Variants in RAB23 observed in about 807,000 individuals in gnomAD.
RAB23 encodes the protein ras-related protein Rab-23.
A neutral mutation model predicts 30.0 loss-of-function variants in RAB23; 15 were observed. The ratio of observed to expected loss-of-function variants is 0.50; its 90% CI spans 0.33 to 0.77. The LOEUF (loss-of-function observed/expected upper bound fraction) is 0.77, where lower values mean the gene tolerates loss of function less well. Ranked by LOEUF, RAB23 falls within the 30% of genes least tolerant of loss-of-function variation. The probability of loss-of-function intolerance (pLI) is 0.02; values close to 1 mark genes in which losing one functional copy is unlikely to be tolerated. For missense variants in RAB23, 243 were observed against 275.4 expected (o/e 0.88, Z 0.83); for synonymous variants, 93 against 94.0 (o/e 0.99, Z 0.06).
chr6:57,205,247 T>C (rs946773114), intron 3 of RAB23, among the ~76,000 whole-genome samples: 9 of 151,892 alleles, frequency 5.9e-5, no homozygotes, highest in Non-Finnish European at 8.8e-5. Flanking sequence ...TATGTATGTG[T>C]GTGTGTATAT....
intron 1 of RAB23, among the ~76,000 whole-genome samples, chr6:57,214,282 T>C (rs1275324626): frequency 6.6e-6 from 1 of 152,174 alleles, no homozygotes; most frequent in Non-Finnish European, 1.5e-5. Context: ...AGAGTCATCA[T>C]GACCAGTAGT....
chr6:57,219,103 T>G (rs1287166853), intron 1 of RAB23, among the ~76,000 whole-genome samples: 4 of 152,026 alleles, frequency 2.6e-5, no homozygotes, highest in Non-Finnish European at 4.4e-5. Flanking sequence ...CACCAAAAAT[T>G]CAAAAACCAA....
intron 3 of RAB23, among the ~76,000 whole-genome samples, chr6:57,206,286 G>A (rs868258384): frequency 1.3e-5 from 2 of 152,042 alleles, no homozygotes; most frequent in African/African-American, 4.8e-5. Flanking sequence ...AAAAGTGGTA[G>A]GGTCAATGAA....
rs996649706 is a variant in RAB23 at position 57,193,779 on chromosome 6, CATATT to C, written c.574+58_574+62del. 3.2e-6 allele frequency: 5 copies of C among 1,569,200 alleles called. No homozygotes were observed. In the African/African-American group the frequency reaches 4.1e-5, roughly 13 times the overall value. The stretch of plus-strand genomic sequence containing the variant: ...AAATCACATTTCTGAAAGAAATGAG[CATATT>C]ATATGTGTTTTTTAACTTTACCAAG... On this transcript the variant is annotated intron_variant, in intron 6 of 6. Transcript: ENST00000468148.
At chr6:57,196,362 T>C in intron 4 of RAB23, 88 bp downstream of exon 4, 8 of 1,483,992 alleles carry the variant, frequency 5.4e-6, no homozygotes, top group Non-Finnish European at 7.5e-6. Context: ...ATAGAATTTT[T>C]CCTAGAACCT....
intron 1 of RAB23, among the ~76,000 whole-genome samples, chr6:57,218,373 T>C (rs1199470857): frequency 6.6e-6 from 1 of 152,228 alleles, no homozygotes; most frequent in East Asian, 1.9e-4. Context: ...GTGGACTTTA[T>C]TCTGGGAATG....
intron 3 of RAB23, among the ~76,000 whole-genome samples, chr6:57,207,129 C>A (rs573553382): frequency 1.9e-3 from 295 of 152,172 alleles, no homozygotes; most frequent in Non-Finnish European, 3.6e-3. Context: ...TTAATTTAGC[C>A]TTTTAAGAAA....
Position 57,190,319 on chromosome 6 carries a change from G to T in RAB23, c.*142C>A, listed in dbSNP as rs1764789704. On this transcript the variant is annotated 3_prime_UTR_variant, in exon 7 of 7. Transcript: ENST00000468148. ...CTCACTCTACATTCTGAAAAGCACT[G>T]CAGAGCAATATTTAAGTCTGTCACT... is the stretch of plus-strand genomic sequence containing the variant. The T allele has an allele frequency of 1.0e-6, 1 of 987,292 alleles. No individual in the cohort carries two copies. Among genetic ancestry groups the T allele is most frequent in the African/African-American group, 1.6e-5 (1 of 62,820 alleles). The allele number at this position is 987,292 out of a possible 1,614,324, so 61.2% of individuals were successfully genotyped here. A position where few individuals can be genotyped will look rare whatever the true frequency, so the allele number is the denominator to read the frequency against.
At position 57,188,504 on chromosome 6, in the gene RAB23, A is replaced by G. The variant is rs995791112; in HGVS notation, c.*1957T>C. On this transcript the variant is annotated 3_prime_UTR_variant, in exon 7 of 7. Coordinates refer to ENST00000468148, the MANE Select transcript of RAB23 (RefSeq NM_016277.5). ...AAAAGAACTAACTAGAACACATATA[A>G]CAAGTGATTTTTCTGCCAATAAAGA... is the stretch of plus-strand genomic sequence containing the variant. 1 of 152,186 alleles carries G rather than the reference A, an allele frequency of 6.6e-6. No homozygotes were observed. The highest frequency in any genetic ancestry group is 2.4e-5 in the African/African-American group (1 of 41,474). The allele number at this position is 152,186 out of a possible 1,614,324, so 9.4% of individuals were successfully genotyped here. A position where few individuals can be genotyped will look rare whatever the true frequency, so the allele number is the denominator to read the frequency against.
chr6:57,201,475 A>G (rs1305443571), intron 3 of RAB23, among the ~76,000 whole-genome samples: 2 of 152,186 alleles, frequency 1.3e-5, no homozygotes, highest in Non-Finnish European at 2.9e-5. Context: ...AATCTGAATG[A>G]ACCTCTGCTG....
At chr6:57,212,180 C>T (rs962923921) in intron 1 of RAB23, among the ~76,000 whole-genome samples, 5 of 152,168 alleles carry the variant, frequency 3.3e-5, no homozygotes, top group African/African-American at 1.2e-4. Context: ...GGATCCACTG[C>T]ACTGTCCACT....
rs1380069219 is a variant in RAB23, at chr6:57,207,722, A to G, written c.156-9T>C. 2.6e-6 allele frequency: 4 copies of G among 1,542,642 alleles called. No individual in the cohort carries two copies. The highest frequency in any genetic ancestry group is 3.6e-6 in the Non-Finnish European group (4 of 1,116,832). The stretch of plus-strand genomic sequence containing the variant: ...CATCTTCATCATTAACTCTAAAACA[A>G]GAGATGAATTTATTTCATATGTAAA... On this transcript the variant is annotated splice_polypyrimidine_tract_variant and intron_variant, in intron 2 of 6. Transcript: ENST00000468148.
intron 1 of RAB23, among the ~76,000 whole-genome samples, chr6:57,218,952 A>G (rs1342608464): frequency 6.6e-6 from 1 of 152,178 alleles, no homozygotes; most frequent in Admixed American, 6.5e-5. Context: ...AAGGATATAT[A>G]TTCTCACTAC....
chr6:57,202,124 TCAG>T (rs1008866498), intron 3 of RAB23, among the ~76,000 whole-genome samples: 8 of 152,232 alleles, frequency 5.3e-5, no homozygotes, highest in Non-Finnish European at 1.0e-4. Context: ...AGGATTTAAA[TCAG>T]CAAGTCATAA....
At chr6:57,197,660 A>C (rs778303279) in intron 3 of RAB23, among the ~76,000 whole-genome samples, 6 of 152,238 alleles carry the variant, frequency 3.9e-5, no homozygotes, top group African/African-American at 4.8e-5. Context: ...AAGACCACAG[A>C]AAGAAAACAG....
At chr6:57,208,510 G>A (rs1036858235) in intron 2 of RAB23, among the ~76,000 whole-genome samples, 2 of 151,600 alleles carry the variant, frequency 1.3e-5, no homozygotes, top group Admixed American at 1.3e-4. Context: ...AGCTGTGTGT[G>A]GTGGTGCATG....
intron 3 of RAB23, among the ~76,000 whole-genome samples, chr6:57,200,044 T>TA (rs200548137): frequency 3.4e-4 from 51 of 151,524 alleles, no homozygotes; most frequent in African/African-American, 9.7e-4. Context: ...CACCCTTTTT[T>TA]AAAAAAAAAC....
intron 3 of RAB23, among the ~76,000 whole-genome samples, chr6:57,204,854 T>C (rs983876636): frequency 1.1e-4 from 17 of 152,022 alleles, no homozygotes; most frequent in African/African-American, 3.6e-4. Flanking sequence ...GAAACAGTCA[T>C]GGGGGCAACT....
intron 3 of RAB23, among the ~76,000 whole-genome samples, chr6:57,198,652 G>A (rs1765121484): frequency 6.6e-6 from 1 of 151,490 alleles, no homozygotes; most frequent in African/African-American, 2.4e-5. Context: ...CCGCACTCCA[G>A]CATGGGCAAA....
Sources: allele counts gnomAD v4.1 joint callset (sites outside exome capture counted in the v4.1 genomes callset), GRCh38; gene constraint gnomAD v4.1.1; transcripts MANE v1.5; gene names NCBI Gene and HGNC (gene_info 2026-07-23, HGNC 2026-07-21).